Variants in SOX18 observed in about 807,000 individuals in gnomAD.
SOX18 encodes the protein SRY-box transcription factor 18, also known as transcription factor SOX-18.
SOX18 carries 2 observed loss-of-function variants against 9.1 expected under a neutral mutation model. The ratio of observed to expected loss-of-function variants is 0.22; its 90% CI spans 0.09 to 0.69. The LOEUF is 0.69. Among genes scored for constraint, SOX18 ranks in the 30% least tolerant of loss-of-function variants. SOX18 has a pLI of 0.80. For synonymous variants in SOX18, 292 were observed against 280.5 expected, an observed-to-expected ratio of 1.04 and a Z score of -0.41; for missense variants, 542 against 567.3, an observed-to-expected ratio of 0.96 and a Z score of 0.45.
Position 64,048,343 on chromosome 20 carries a change from C to A in SOX18, c.978G>T (p.Glu326Asp). ...ADLWADVDLTEFDQYLNCSRT... is the reference protein window; with the variant it reads ...ADLWADVDLTDFDQYLNCSRT... The stretch of plus-strand genomic sequence containing the variant: ...GGCTGCAGTTGAGGTACTGGTCGAA[C>A]TCGGTGAGGTCCACGTCGGCCCACA... Residue 326 changes from glutamate to aspartate, a missense_variant, in exon 2 of 2, where the codon GAG becomes GAT. By Grantham distance (45) the Glu-to-Asp change is conservative (BLOSUM62 2). Transcript: ENST00000340356. 1 of 1,589,456 alleles carries A rather than the reference C, an allele frequency of 6.3e-7. No individual in the cohort carries two copies. The highest frequency in any genetic ancestry group is 8.5e-7 in the Non-Finnish European group (1 of 1,169,824).
In SOX18 at chr20:64,049,066, C is replaced by T. The variant is rs559536004; in HGVS notation, c.358+93G>A. ...GCGAGGGTTTGGCGCAGCCCCCGCA[C>T]CCCGCGGCCCGGGACCCCTGCCCCC... On this transcript the variant is annotated intron_variant, in intron 1 of 1. Transcript: ENST00000340356. 1.6e-4 allele frequency: 206 copies of T among 1,322,592 alleles called. 4 individuals are homozygous for T. The South Asian group carries it at 3.5e-3, about 22-fold the overall frequency. The allele number at this position is 1,322,592 out of a possible 1,614,324, so 81.9% of individuals were successfully genotyped here.
In SOX18 at chr20:64,048,085, G is replaced by A. The variant is rs1436017508; in HGVS notation, c.*81C>T. On this transcript the variant is annotated 3_prime_UTR_variant, in exon 2 of 2. Coordinates refer to ENST00000340356, the MANE Select transcript of SOX18 (RefSeq NM_018419.3). ...ACCAAACATACACGCGTATGAGAGA[G>A]CAGAGCGGCAGCGACGCGGTCGGAT... 9 of 1,299,460 alleles carry A rather than the reference G, an allele frequency of 6.9e-6. No individual in the cohort carries two copies. The highest frequency in any genetic ancestry group is 6.0e-5 in the Admixed American group (3 of 50,386). 80.5% of individuals were successfully genotyped at this position (1,299,460 alleles called of 1,614,324 possible).
Position 64,048,126 on chromosome 20 carries a change from C to A in SOX18, c.*40G>T. On this transcript the variant is annotated 3_prime_UTR_variant, in exon 2 of 2. Transcript: ENST00000340356. The stretch of plus-strand genomic sequence containing the variant: ...GCGGTCGGATCGGTCGCGGGGGCTG[C>A]GGGAGGAAGCGCTGCAGGGACCCGG... 6.6e-7 allele frequency: 1 copy of A among 1,516,680 alleles called. No individual in the cohort carries two copies. The highest frequency in any genetic ancestry group is 8.8e-7 in the Non-Finnish European group (1 of 1,130,518). The allele number at this position is 1,516,680 out of a possible 1,614,324, so 94.0% of individuals were successfully genotyped here.
rs1026506137 is a variant in SOX18, at chr20:64,048,706, G to A, written c.615C>T (p.Ala205=). 1.5e-5 allele frequency: 20 copies of A among 1,360,626 alleles called. No individual in the cohort carries two copies. The African/African-American group carries it at 2.8e-4, about 19-fold the overall frequency. 84.3% of individuals were successfully genotyped at this position (1,360,626 alleles called of 1,614,324 possible). Residue 205 remains alanine (A), a synonymous_variant, in exon 2 of 2, where the codon GCC becomes GCT. Transcript: ENST00000340356. ...TGGGCAGCCCCAGGCCGTCGAACTCGGCGCCCAGCGGGGGCAGCTCGCGGA... is the reference window on the plus strand; with the variant it reads ...TGGGCAGCCCCAGGCCGTCGAACTCAGCGCCCAGCGGGGGCAGCTCGCGGA... ...RAFRELPPLG[A]EFDGLGLPTP...
rs1422276038 is a variant in SOX18, at chr20:64,049,305, G to A, written c.212C>T (p.Pro71Leu). 1.4e-6 allele frequency: 2 copies of A among 1,476,200 alleles called. No homozygotes were observed. The highest frequency in any genetic ancestry group is 2.0e-5 in the Admixed American group (1 of 50,878). The allele number at this position is 1,476,200 out of a possible 1,614,324, so 91.4% of individuals were successfully genotyped here. ...SPEPGRYGLS[P>L]AGRGERQAAD... is the part of the protein sequence containing the mutation. Reference sequence around the variant, plus strand: ...CGCCTGGCGTTCCCCGCGGCCGGCCGGGCTGAGGCCATAGCGCCCCGGCTC... The same window carrying A: ...CGCCTGGCGTTCCCCGCGGCCGGCCAGGCTGAGGCCATAGCGCCCCGGCTC... Residue 71 changes from proline (P) to leucine (L), a missense_variant, in exon 1 of 2, where the codon CCG (proline) becomes CTG (leucine). By Grantham distance (98) the Pro-to-Leu change is moderately conservative. Transcript: ENST00000340356.
In SOX18 at chr20:64,047,886, C is replaced by CA. The variant is rs2059400644; in HGVS notation, c.*279dup. On this transcript the variant is annotated 3_prime_UTR_variant, in exon 2 of 2. Coordinates refer to ENST00000340356, the MANE Select transcript of SOX18 (RefSeq NM_018419.3). Reference sequence around the variant, plus strand: ...AAAAATGTAACCCTGGCAACTCTGCCAACAGGTCCTGGGCTCGGGCTTCCT... The same window carrying CA: ...AAAAATGTAACCCTGGCAACTCTGCCAAACAGGTCCTGGGCTCGGGCTTCCT... The CA allele has an allele frequency of 9.4e-6, 5 of 531,850 alleles. No individual in the cohort carries two copies. In the East Asian group the frequency reaches 9.5e-5, roughly 10 times the overall value. 32.9% of individuals were successfully genotyped at this position (531,850 alleles called of 1,614,324 possible).
intron 1 of SOX18, 52 bp from the exon 2 acceptor site, chr20:64,049,014 G>A (rs967001298): frequency 2.0e-6 from 3 of 1,510,358 alleles, no homozygotes; most frequent in Non-Finnish European, 2.6e-6. Flanking sequence ...GGTGGGCGCC[G>A]AGCCCTCCGT....
rs1569234587 is a variant in SOX18, at chr20:64,048,794, C to T, written c.527G>A (p.Gly176Glu). The T allele has an allele frequency of 6.5e-7, 1 of 1,527,646 alleles. No homozygotes were observed. Among genetic ancestry groups the T allele is most frequent in the Admixed American group, 2.0e-5 (1 of 50,906 alleles). The allele number at this position is 1,527,646 out of a possible 1,614,324, so 94.6% of individuals were successfully genotyped here. ...RRLEPGLLLPGLAPPQPPPEP... is the reference protein window; with the variant it reads ...RRLEPGLLLPELAPPQPPPEP... ...GGGCGGTGGCTGCGGGGGCGCTAAT[C>T]CCGGGAGCAGGAGGCCGGGCTCCAG... The change falls in exon 2 of 2, where the codon GGA becomes GAA. Residue 176 changes from glycine to glutamate, a missense_variant. Physicochemically the swap from Gly to Glu is moderately conservative, Grantham distance 98. Transcript: ENST00000340356.
In SOX18 at chr20:64,048,118, G is replaced by A. The variant is rs1273206502; in HGVS notation, c.*48C>T. ...GCAGCGACGCGGTCGGATCGGTCGC[G>A]GGGGCTGCGGGAGGAAGCGCTGCAG... On this transcript the variant is annotated 3_prime_UTR_variant, in exon 2 of 2. Transcript: ENST00000340356. 1.3e-6 allele frequency: 2 copies of A among 1,499,604 alleles called. No homozygotes were observed. The highest frequency in any genetic ancestry group is 1.2e-5 in the South Asian group (1 of 83,212). 92.9% of individuals were successfully genotyped at this position (1,499,604 alleles called of 1,614,324 possible). A position where few individuals can be genotyped will look rare whatever the true frequency, so the allele number is the denominator to read the frequency against.
At position 64,048,093 on chromosome 20, in the gene SOX18, G is replaced by T; in HGVS notation, c.*73C>A. The T allele has an allele frequency of 7.4e-7, 1 of 1,360,050 alleles. No individual in the cohort carries two copies. The highest frequency in any genetic ancestry group is 1.0e-6 in the Non-Finnish European group (1 of 989,224). 84.2% of individuals were successfully genotyped at this position (1,360,050 alleles called of 1,614,324 possible). A position where few individuals can be genotyped will look rare whatever the true frequency, so the allele number is the denominator to read the frequency against. ...TACACGCGTATGAGAGAGCAGAGCGGCAGCGACGCGGTCGGATCGGTCGCG... is the reference window on the plus strand; with the variant it reads ...TACACGCGTATGAGAGAGCAGAGCGTCAGCGACGCGGTCGGATCGGTCGCG... On this transcript the variant is annotated 3_prime_UTR_variant, in exon 2 of 2. Transcript: ENST00000340356.
In SOX18 at chr20:64,049,312, G is replaced by T; in HGVS notation, c.205C>A (p.Leu69Ile). 3 of 1,463,114 alleles carry T rather than the reference G, an allele frequency of 2.1e-6. No individual in the cohort carries two copies. The highest frequency in any genetic ancestry group is 2.0e-5 in the Admixed American group (1 of 50,036). The allele number at this position is 1,463,114 out of a possible 1,614,324, so 90.6% of individuals were successfully genotyped here. ...PRSPEPGRYG[L>I]SPAGRGERQA... is the part of the protein sequence containing the mutation. ...CGTTCCCCGCGGCCGGCCGGGCTGAGGCCATAGCGCCCCGGCTCGGGGCTG... is the reference window on the plus strand; with the variant it reads ...CGTTCCCCGCGGCCGGCCGGGCTGATGCCATAGCGCCCCGGCTCGGGGCTG... The change falls in exon 1 of 2, where the codon CTC becomes ATC. Residue 69 changes from leucine to isoleucine, a missense_variant. Leu to Ile is a conservative substitution (Grantham distance 5). Coordinates refer to ENST00000340356, the MANE Select transcript of SOX18 (RefSeq NM_018419.3).
At position 64,049,502 on chromosome 20, in the gene SOX18, C is replaced by A; in HGVS notation, c.15G>T (p.Pro5=). 15 of 1,061,978 alleles carry A rather than the reference C, an allele frequency of 1.4e-5. No homozygotes were observed. The highest frequency in any genetic ancestry group is 1.7e-5 in the Non-Finnish European group (15 of 881,366). 65.8% of individuals were successfully genotyped at this position (1,061,978 alleles called of 1,614,324 possible). Residue 5 remains proline, a synonymous_variant, in exon 1 of 2, where the codon CCG becomes CCT. Coordinates refer to ENST00000340356, the MANE Select transcript of SOX18 (RefSeq NM_018419.3). ...GGTCGTCCTGTGCGCCGTAGCCGGG[C>A]GGCGATCTCTGCATTCCAGCTGGGC... is the stretch of plus-strand genomic sequence containing the variant. MQRS[P]PGYGAQDDPP...
Position 64,048,211 on chromosome 20 carries a change from C to T in SOX18, c.1110G>A (p.Ser370=). ...TGTAATAGACCGCGCTGCTGGCGTC[C>T]GACAGCGCGGAGATCAGGCTGCTCT... The part of the protein sequence containing the change: ...PEESSLISAL[S]DASSAVYYSA... The change falls in exon 2 of 2, where the codon TCG becomes TCA. Residue 370 remains serine (S), a synonymous_variant. Transcript: ENST00000340356. 1 of 1,578,020 alleles carries T rather than the reference C, an allele frequency of 6.3e-7. No homozygotes were observed. The highest frequency in any genetic ancestry group is 8.6e-7 in the Non-Finnish European group (1 of 1,164,238).
intron 1 of SOX18, 48 bp downstream of exon 1, chr20:64,049,111 A>G (rs755073960): frequency 5.1e-6 from 2 of 394,358 alleles, no homozygotes; most frequent in African/African-American, 4.0e-5. Context: ...CCCCGGCCCG[A>G]GCCCCCCCCG....
At chr20:64,049,086 G>GCCC (rs767453145) in intron 1 of SOX18, 73 bp downstream of exon 1, 1,116 of 831,526 alleles carry the variant, frequency 1.3e-3, no homozygotes, top group South Asian at 4.1e-3. Context: ...CGGGACCCCT[G>GCCC]CCCCCCCCGC....
rs1359390559 is a variant in SOX18 at position 64,049,372 on chromosome 20, C to T, written c.145G>A (p.Ala49Thr). ...CTGCGCTGCGGGCTGGGCGGCGAGG[C>T]GGGCGCGGCGGGCGCGGCGAGGGCG... ...PAALAAPAAP[A>T]SPPSPQRSPP... Residue 49 changes from alanine to threonine, a missense_variant, in exon 1 of 2, where the codon GCC becomes ACC. By Grantham distance (58) the Ala-to-Thr change is moderately conservative. Coordinates refer to ENST00000340356, the MANE Select transcript of SOX18 (RefSeq NM_018419.3). 2.0e-6 allele frequency: 2 copies of T among 989,194 alleles called. No individual in the cohort carries two copies. The highest frequency in any genetic ancestry group is 2.2e-4 in the East Asian group (2 of 9,094). 61.3% of individuals were successfully genotyped at this position (989,194 alleles called of 1,614,324 possible).
At chr20:64,049,124 C>T (rs756576804) in intron 1 of SOX18, 35 bp downstream of exon 1, 3 of 1,292,714 alleles carry the variant, frequency 2.3e-6, no homozygotes, top group Admixed American at 4.8e-5. Context: ...CCCCCCCGCC[C>T]TCTCCCCCTT....
At position 64,047,871 on chromosome 20, in the gene SOX18, C is replaced by A. The variant is rs557679210; in HGVS notation, c.*295G>T. On this transcript the variant is annotated 3_prime_UTR_variant, in exon 2 of 2. Coordinates refer to ENST00000340356, the MANE Select transcript of SOX18 (RefSeq NM_018419.3). The stretch of plus-strand genomic sequence containing the variant: ...AGGAGCAGGTGCTTCAAAAATGTAA[C>A]CCTGGCAACTCTGCCAACAGGTCCT... 47 of 504,510 alleles carry A rather than the reference C, an allele frequency of 9.3e-5. No individual in the cohort carries two copies. The highest frequency in any genetic ancestry group is 1.5e-4 in the Non-Finnish European group (44 of 283,930). 31.3% of individuals were successfully genotyped at this position (504,510 alleles called of 1,614,324 possible). A position where few individuals can be genotyped will look rare whatever the true frequency, so the allele number is the denominator to read the frequency against.
chr20:64,049,110 G>A, intron 1 of SOX18, 49 bp downstream of exon 1: 1 of 362,718 alleles, frequency 2.8e-6, no homozygotes, highest in Non-Finnish European at 3.7e-6. Context: ...ACCCCGGCCC[G>A]AGCCCCCCCC....
Sources: allele counts gnomAD v4.1 joint callset, GRCh38; gene constraint gnomAD v4.1.1; transcripts MANE v1.5; gene names NCBI Gene and HGNC (gene_info 2026-07-23, HGNC 2026-07-21).